The following LRP1B variants were observed in gnomAD, a reference collection of about 807,000 sequenced individuals.
The protein encoded by LRP1B is LDL receptor related protein 1B.
A neutral mutation model predicts 556.6 loss-of-function variants in LRP1B; 217 were observed. The ratio of observed to expected loss-of-function variants is 0.39; its 90% CI spans 0.35 to 0.44. The LOEUF (loss-of-function observed/expected upper bound fraction) is 0.44. LRP1B is among the 20% of genes least tolerant of loss of function. LRP1B has a pLI of 1.00. For synonymous variants in LRP1B, 2,047 were observed against 1,865.8 expected (o/e 1.10, Z -2.50); for missense variants, 5,053 against 5,620.8 (o/e 0.90, Z 3.23).
At chr2:140,882,066 G>A (rs1236481826) in intron 25 of LRP1B, among the ~76,000 whole-genome samples, 1 of 152,046 alleles carries the variant, frequency 6.6e-6, no homozygotes, top group East Asian at 1.9e-4. Flanking sequence ...TATAATTTTG[G>A]AATTATTCAT....
chr2:140,982,833 C>A (rs1461302148), intron 17 of LRP1B, among the ~76,000 whole-genome samples: 1 of 148,970 alleles, frequency 6.7e-6, no homozygotes, highest in Admixed American at 6.7e-5. Context: ...AGAATATTTT[C>A]TAAAACATAC....
intron 43 of LRP1B, among the ~76,000 whole-genome samples, chr2:140,578,489 C>T (rs180777485): frequency 6.6e-6 from 1 of 152,362 alleles, no homozygotes; most frequent in Admixed American, 6.5e-5. Context: ...CCTCCTTCTA[C>T]TCAGCAGTTA....
At chr2:140,526,078 G>A (rs912997534) in intron 48 of LRP1B, 85 bp from the exon 49 acceptor site, 2 of 1,455,588 alleles carry the variant, frequency 1.4e-6, no homozygotes, top group Non-Finnish European at 1.9e-6. Context: ...GATGAGAAAA[G>A]TTAACTTCAT....
Position 141,325,601 on chromosome 2 carries a change from C to T in LRP1B, c.344-70960G>A, listed in dbSNP as rs555757265. On this transcript the variant is annotated intron_variant, in intron 3 of 90. Transcript: ENST00000389484. ...CTGGTCTTTGTATTCCATTTTCCTT[C>T]TAATCTAGGTAAAAGTGAAATAAAC... Among the ~76,000 whole-genome samples, 425 of 152,088 alleles carry T rather than the reference C, an allele frequency of 2.8e-3. 2 individuals carry two copies. Among genetic ancestry groups the T allele is most frequent in the African/African-American group, 9.8e-3 (406 of 41,490 alleles).
chr2:140,766,838 TATATA>T (rs1559106284), intron 35 of LRP1B, among the ~76,000 whole-genome samples: 1 of 18,664 alleles, frequency 5.4e-5, no homozygotes, highest in East Asian at 0.021. Flanking sequence ...TATATATATA[TATATA>T]TTATATATAT....
intron 11 of LRP1B, among the ~76,000 whole-genome samples, chr2:141,046,798 T>C (rs1177823044): frequency 1.3e-5 from 2 of 152,084 alleles, no homozygotes; most frequent in African/African-American, 4.8e-5. Flanking sequence ...AGTGTCTGTG[T>C]TGGCCAGGCA....
chr2:140,737,168 C>G (rs1687974924), intron 35 of LRP1B, among the ~76,000 whole-genome samples: 1 of 152,096 alleles, frequency 6.6e-6, no homozygotes, highest in Non-Finnish European at 1.5e-5. Context: ...CAGAACCCAG[C>G]AAATGAAGAA....
intron 2 of LRP1B, among the ~76,000 whole-genome samples, chr2:141,764,713 C>A (rs1694677590): frequency 1.3e-5 from 2 of 151,866 alleles, no homozygotes; most frequent in Admixed American, 1.3e-4. Context: ...TTATGGGAGC[C>A]TGAGCTTAAT....
intron 3 of LRP1B, among the ~76,000 whole-genome samples, chr2:141,370,300 T>A (rs571483554): frequency 6.6e-6 from 1 of 152,238 alleles, no homozygotes; most frequent in Admixed American, 6.5e-5. Context: ...CTACATCCCT[T>A]CCAACATCTG....
intron 66 of LRP1B, among the ~76,000 whole-genome samples, chr2:140,408,830 G>T (rs556570385): frequency 6.6e-6 from 1 of 152,002 alleles, no homozygotes; most frequent in Non-Finnish European, 1.5e-5. Context: ...CTTATTTTGA[G>T]AAATAAGCAG....
chr2:142,019,508 C>T (rs1703262671), intron 1 of LRP1B, among the ~76,000 whole-genome samples: 2 of 152,068 alleles, frequency 1.3e-5, no homozygotes, highest in South Asian at 2.1e-4. Context: ...ATTGTCACTC[C>T]TTGCTTACTG....
intron 1 of LRP1B, among the ~76,000 whole-genome samples, chr2:141,861,763 C>G (rs1312964919): frequency 6.6e-6 from 1 of 152,008 alleles, no homozygotes; most frequent in African/African-American, 2.4e-5. Flanking sequence ...ATCTCCATCT[C>G]TACTAAAAAT....
At chr2:140,890,181 GC>G (rs60409117) in intron 23 of LRP1B, among the ~76,000 whole-genome samples, 79,042 of 151,634 alleles carry the variant, frequency 0.52, 22,245 homozygotes, top group Middle Eastern at 0.65. Flanking sequence ...GTTAAATGTT[GC>G]TTAAAAACAC....
intron 41 of LRP1B, among the ~76,000 whole-genome samples, chr2:140,639,521 A>T (rs1574176685): frequency 6.6e-6 from 1 of 152,196 alleles, no homozygotes; most frequent in East Asian, 1.9e-4. Flanking sequence ...TCATTCGAAT[A>T]GGTCAATTAA....
At chr2:140,541,621 A>G (rs1259367460) in intron 44 of LRP1B, among the ~76,000 whole-genome samples, 158 bp downstream of exon 44, 2 of 152,258 alleles carry the variant, frequency 1.3e-5, no homozygotes, top group African/African-American at 4.8e-5. Flanking sequence ...CACTATTCCT[A>G]AGAACTAGAA....
intron 2 of LRP1B, among the ~76,000 whole-genome samples, chr2:141,659,269 T>C (rs1458499038): frequency 6.6e-6 from 1 of 152,130 alleles, no homozygotes; most frequent in African/African-American, 2.4e-5. Flanking sequence ...TCAGTAAATA[T>C]TTTAGGTTTT....
intron 23 of LRP1B, among the ~76,000 whole-genome samples, chr2:140,901,064 T>A (rs1447554520): frequency 2.0e-5 from 3 of 152,078 alleles, no homozygotes; most frequent in African/African-American, 7.2e-5. Context: ...TGTGAGTACA[T>A]AGTAGGGGTT....
intron 6 of LRP1B, among the ~76,000 whole-genome samples, chr2:141,203,591 G>A (rs1032695476): frequency 2.2e-4 from 34 of 151,750 alleles, no homozygotes; most frequent in Admixed American, 1.2e-3. Flanking sequence ...TGGGGGGGGA[G>A]GACTTTAACA....
chr2:140,236,123 TTC>T (rs1280831085), intron 89 of LRP1B, among the ~76,000 whole-genome samples: 2 of 150,926 alleles, frequency 1.3e-5, no homozygotes, highest in Non-Finnish European at 3.0e-5. Context: ...AAATATAATA[TTC>T]TCTGATAGTA....
Sources: gnomAD v4.1 joint callset for allele counts (sites outside exome capture counted in the v4.1 genomes callset) on GRCh38, gnomAD v4.1.1 for gene constraint, MANE v1.5 for transcripts, NCBI Gene and HGNC (gene_info 2026-07-23, HGNC 2026-07-21) for gene names.